TYW1B: variants seen among roughly 807,000 people sequenced by gnomAD.
TYW1B encodes S-adenosyl-L-methionine-dependent tRNA 4-demethylwyosine synthase TYW1B.
TYW1B carries 73 observed loss-of-function variants against 86.9 expected under a neutral mutation model. That is an observed-to-expected ratio of 0.84 (90% CI 0.70 to 1.02). The LOEUF (loss-of-function observed/expected upper bound fraction) is 1.02, where lower values mean the gene tolerates loss of function less well. Among genes scored for constraint, TYW1B ranks in the 50% least tolerant of loss-of-function variants. The pLI, the probability that TYW1B is intolerant of heterozygous loss-of-function variation, is 0.00. For missense variants in TYW1B, 637 were observed against 827.4 expected, an observed-to-expected ratio of 0.77 and a Z score of 2.82; for synonymous variants, 248 against 292.8, an observed-to-expected ratio of 0.85 and a Z score of 1.56.
chr7:72,575,635 A>G lies in TYW1B; in HGVS notation c.1870T>C (p.Ser624Pro). 6.2e-7 allele frequency: 1 copy of G among 1,613,694 alleles called. No homozygotes were observed. Among genetic ancestry groups the G allele is most frequent in the Non-Finnish European group, 8.5e-7 (1 of 1,179,808 alleles). ...LIQEYEDSGGSKTFSAKDYMA... is the reference protein window; with the variant it reads ...LIQEYEDSGGPKTFSAKDYMA... ...TAATCCTTTGCGCTGAACGTTTTTG[A>G]TCCACCACTATCTTCATATTCCTGG... The change falls in exon 14 of 14, where the codon TCA becomes CCA. Residue 624 changes from serine to proline, a missense_variant. Physicochemically the swap from Ser to Pro is moderately conservative, Grantham distance 74. Coordinates refer to ENST00000620995, the MANE Select transcript of TYW1B (RefSeq NM_001145440.3).
At chr7:72,590,243 C>T (rs1811364584) in intron 13 of TYW1B, among the ~76,000 whole-genome samples, 1 of 152,202 alleles carries the variant, frequency 6.6e-6, no homozygotes, top group African/African-American at 2.4e-5. Flanking sequence ...ACTACCAGTC[C>T]CTGACGACTC....
chr7:72,811,683 G>A (rs1490421010), intron 3 of TYW1B, among the ~76,000 whole-genome samples: 6 of 151,868 alleles, frequency 4.0e-5, no homozygotes, highest in African/African-American at 1.2e-4. Flanking sequence ...AGGCTGAGGC[G>A]GGTGGATCAC....
rs138702486 is a variant in TYW1B, at chr7:72,612,229, C to G, written c.1785+4443G>C. On this transcript the variant is annotated intron_variant, in intron 13 of 13. Transcript: ENST00000620995. ...GAACGAAGAGACAGAGAGAGAGGAA[C>G]AGGGAGTCTAGAAGAGTGGTTTAAA... Among the ~76,000 whole-genome samples, 666 of 152,192 alleles carry G rather than the reference C, an allele frequency of 4.4e-3. 3 individuals are homozygous for G. Among genetic ancestry groups the G allele is most frequent in the African/African-American group, 0.015 (629 of 41,526 alleles).
chr7:72,790,188 C>G (rs1412496645), intron 6 of TYW1B, among the ~76,000 whole-genome samples: 1 of 151,710 alleles, frequency 6.6e-6, no homozygotes, highest in Non-Finnish European at 1.5e-5. Context: ...TCAGGTGATC[C>G]ACCTGCCTCG....
chr7:72,667,815 T>C (rs549719590), intron 11 of TYW1B, among the ~76,000 whole-genome samples: 12 of 152,364 alleles, frequency 7.9e-5, no homozygotes, highest in Non-Finnish European at 1.6e-4. Context: ...TCTGTTCCTA[T>C]ACTCTTCAGG....
intron 8 of TYW1B, among the ~76,000 whole-genome samples, chr7:72,730,408 T>C (rs542971911): frequency 2.4e-4 from 35 of 145,518 alleles, no homozygotes; most frequent in Non-Finnish European, 4.7e-4. Flanking sequence ...AACAGAAAAC[T>C]TGAAGGTGAA....
chr7:72,612,413 C>G (rs1811955080), intron 13 of TYW1B, among the ~76,000 whole-genome samples: 1 of 152,164 alleles, frequency 6.6e-6, no homozygotes, highest in Non-Finnish European at 1.5e-5. Flanking sequence ...ACAAAAATCA[C>G]TATTTTACAA....
chr7:72,651,641 A>G (rs1393593871), intron 11 of TYW1B, among the ~76,000 whole-genome samples: 1 of 152,170 alleles, frequency 6.6e-6, no homozygotes, highest in Non-Finnish European at 1.5e-5. Flanking sequence ...TTAAAAATAC[A>G]TAGATAAATG....
At chr7:72,727,627 G>A (rs1180869917) in intron 9 of TYW1B, among the ~76,000 whole-genome samples, 2 of 151,884 alleles carry the variant, frequency 1.3e-5, no homozygotes, top group Non-Finnish European at 2.9e-5. Context: ...GACCAGCCTG[G>A]GCAACATGGC....
intron 11 of TYW1B, among the ~76,000 whole-genome samples, chr7:72,663,148 T>TA (rs1282019890): frequency 6.8e-6 from 1 of 147,042 alleles, no homozygotes; most frequent in East Asian, 2.0e-4. Context: ...ATCTACTTGG[T>TA]AATGGGGTAA....
intron 12 of TYW1B, among the ~76,000 whole-genome samples, 156 bp from the exon 13 acceptor site, chr7:72,616,995 A>G (rs1432395297): frequency 1.3e-5 from 2 of 152,192 alleles, no homozygotes; most frequent in Admixed American, 6.6e-5. Flanking sequence ...AAATCTGCCT[A>G]GGAGACCATA....
intron 10 of TYW1B, among the ~76,000 whole-genome samples, chr7:72,703,383 T>G (rs1339698370): frequency 6.6e-6 from 1 of 152,026 alleles, no homozygotes; most frequent in Non-Finnish European, 1.5e-5. Flanking sequence ...AAATAAGACG[T>G]GTGTTGCTTA....
Position 72,735,857 on chromosome 7 carries a change from G to A in TYW1B, c.1083-6926C>T, listed in dbSNP as rs1169717396. Among the ~76,000 whole-genome samples the A allele has an allele frequency of 3.9e-4, 21 of 53,952 alleles. 1 individual carries two copies. In the South Asian group the frequency reaches 5.9e-3, roughly 15 times the overall value. 35.4% of individuals were successfully genotyped at this position (53,952 alleles called of 152,430 possible). A position where few individuals can be genotyped will look rare whatever the true frequency, so the allele number is the denominator to read the frequency against. ...TGCACTCCAGCCTGGGCAAAAGAGCGAGACTGTCTAAAAAAAAAAAAAAAA... is the reference window on the plus strand; with the variant it reads ...TGCACTCCAGCCTGGGCAAAAGAGCAAGACTGTCTAAAAAAAAAAAAAAAA... On this transcript the variant is annotated intron_variant, in intron 8 of 13. Coordinates refer to ENST00000620995, the MANE Select transcript of TYW1B (RefSeq NM_001145440.3).
intron 11 of TYW1B, among the ~76,000 whole-genome samples, chr7:72,635,830 A>C (rs1554440676): frequency 3.3e-5 from 5 of 152,256 alleles, no homozygotes. Flanking sequence ...ACTCAAGAAG[A>C]AATCAATATT....
chr7:72,587,841 C>T (rs1363073073), intron 13 of TYW1B, among the ~76,000 whole-genome samples: 1 of 152,134 alleles, frequency 6.6e-6, no homozygotes, highest in African/African-American at 2.4e-5. Flanking sequence ...AAAGTTAGTT[C>T]AGTCTACACC....
rs542919012 is a variant in TYW1B, at chr7:72,713,511, A to G, written c.1370+110T>C. ...TCACCTCCCAAAGCCCAACATTTGT[A>G]TGTAGTAAGTAATCAATAAATCCTA... On this transcript the variant is annotated intron_variant, in intron 10 of 13. Coordinates refer to ENST00000620995, the MANE Select transcript of TYW1B (RefSeq NM_001145440.3). The G allele has an allele frequency of 2.8e-4, 314 of 1,113,994 alleles. No homozygotes were observed. The African/African-American group carries it at 4.1e-3, about 15-fold the overall frequency. The allele number at this position is 1,113,994 out of a possible 1,614,324, so 69.0% of individuals were successfully genotyped here. A position where few individuals can be genotyped will look rare whatever the true frequency, so the allele number is the denominator to read the frequency against.
chr7:72,805,154 T>A (rs1375100890), intron 5 of TYW1B, among the ~76,000 whole-genome samples: 1 of 151,402 alleles, frequency 6.6e-6, no homozygotes, highest in East Asian at 1.9e-4. Flanking sequence ...GACACACAGA[T>A]ACTACATCAA....
chr7:72,782,008 G>A (rs2058056), intron 6 of TYW1B, among the ~76,000 whole-genome samples: 83,046 of 152,100 alleles, frequency 0.55, 24,682 homozygotes, highest in Non-Finnish European at 0.67. Context: ...TACTGGTTGG[G>A]TGCAGTGGCT....
chr7:72,721,638 G>GCA (rs1235861967), intron 9 of TYW1B, among the ~76,000 whole-genome samples: 7 of 150,492 alleles, frequency 4.7e-5, no homozygotes, highest in East Asian at 1.9e-4. Flanking sequence ...ACACACACAC[G>GCA]CACACACACA....
Sources: allele counts gnomAD v4.1 joint callset (sites outside exome capture counted in the v4.1 genomes callset), GRCh38; gene constraint gnomAD v4.1.1; transcripts MANE v1.5; gene names NCBI Gene and HGNC (gene_info 2026-07-23, HGNC 2026-07-21).